MKLN1: variants seen among roughly 807,000 people sequenced by gnomAD.
MKLN1 encodes the protein muskelin.
MKLN1 carries 18 observed loss-of-function variants against 99.0 expected under a neutral mutation model. That is an observed-to-expected ratio of 0.18 (90% CI 0.13 to 0.27). The LOEUF is 0.27. MKLN1 is among the 10% of genes least tolerant of loss of function. The pLI, the probability that MKLN1 is intolerant of heterozygous loss-of-function variation, is 1.00. For synonymous variants in MKLN1, 288 were observed against 293.2 expected, an observed-to-expected ratio of 0.98 and a Z score of 0.18; for missense variants, 621 against 875.9, an observed-to-expected ratio of 0.71 and a Z score of 3.67.
At chr7:131,248,074 ATTAT>A (rs71527998) in intron 3 of MKLN1, among the ~76,000 whole-genome samples, 9 of 57,252 alleles carry the variant, frequency 1.6e-4, no homozygotes, top group East Asian at 6.0e-4. Context: ...AATTACATTT[ATTAT>A]TTATTTATTT....
At chr7:131,443,839 A>C in intron 11 of MKLN1, 137 bp downstream of exon 11, 1 of 683,802 alleles carries the variant, frequency 1.5e-6, no homozygotes, top group Non-Finnish European at 2.5e-6. Flanking sequence ...TTTAACAGTG[A>C]ACTGTTTGCT....
intron 3 of MKLN1, among the ~76,000 whole-genome samples, chr7:131,247,633 A>G (rs4731772): frequency 0.094 from 14,361 of 152,210 alleles, 809 homozygotes; most frequent in East Asian, 0.26. Flanking sequence ...TAAATGTCCA[A>G]TCAAAACTGC....
At chr7:131,444,328 G>T (rs552487785) in intron 11 of MKLN1, among the ~76,000 whole-genome samples, 4 of 151,924 alleles carry the variant, frequency 2.6e-5, no homozygotes, top group African/African-American at 9.6e-5. Flanking sequence ...TGTTGGCCAG[G>T]CTGGTCTTGA....
chr7:131,475,693 C>T (rs1354656069), intron 16 of MKLN1, among the ~76,000 whole-genome samples: 13 of 151,970 alleles, frequency 8.6e-5, no homozygotes, highest in Admixed American at 8.5e-4. Context: ...GCCTGTAGTC[C>T]CAGCTCCTCT....
intron 3 of MKLN1, among the ~76,000 whole-genome samples, chr7:131,204,448 C>T (rs1017964953): frequency 6.6e-6 from 1 of 151,986 alleles, no homozygotes; most frequent in Non-Finnish European, 1.5e-5. Flanking sequence ...GGAAATATCT[C>T]TAAGAAAAAA....
chr7:131,142,786 C>G (rs567710877), intron 1 of MKLN1: 1 of 540,610 alleles, frequency 1.8e-6, no homozygotes, highest in East Asian at 7.1e-5. Flanking sequence ...TAGAGGTAGA[C>G]TTCACATCTG....
At position 131,275,567 on chromosome 7, in the gene MKLN1, A is replaced by ATTT. The variant is rs869119196; in HGVS notation, c.-179+72616_-179+72618dup. Among the ~76,000 whole-genome samples, 20 of 5,606 alleles carry ATTT rather than the reference A, an allele frequency of 3.6e-3. 2 individuals are homozygous for ATTT. Among genetic ancestry groups the ATTT allele is most frequent in the Admixed American group, 0.016 (3 of 182 alleles). The allele number at this position is 5,606 out of a possible 152,430, so 3.7% of individuals were successfully genotyped here. ...TATATATATATATATATATATATAT[A>ATTT]TTTTTTTTTTTTTTTTTTTTTTTTT... is the stretch of plus-strand genomic sequence containing the variant. On this transcript the variant is annotated intron_variant, in intron 3 of 7. Transcript: ENST00000416992.
intron 1 of MKLN1, among the ~76,000 whole-genome samples, chr7:131,339,365 G>A (rs1469607685): frequency 6.6e-6 from 1 of 152,182 alleles, no homozygotes; most frequent in Non-Finnish European, 1.5e-5. Context: ...GGTTTCATTG[G>A]TGATTTGCAC....
chr7:131,169,054 A>AT (rs1796178304), intron 2 of MKLN1, among the ~76,000 whole-genome samples: 1 of 152,064 alleles, frequency 6.6e-6, no homozygotes, highest in Non-Finnish European at 1.5e-5. Flanking sequence ...TTTTAGTAAG[A>AT]CGGGTTTCAC....
Position 131,361,595 on chromosome 7 carries a change from C to CT in MKLN1, c.99-13816dup, listed in dbSNP as rs200588778. ...TTTTTTGTTTCTTTTTTCTGGCTTT[C>CT]TTTTTTTTTTTTTGGTTCCCTTCAA... On this transcript the variant is annotated intron_variant, in intron 1 of 17. Transcript: ENST00000352689. Among the ~76,000 whole-genome samples the CT allele has an allele frequency of 4.4e-3, 625 of 140,940 alleles. 1 individual carries two copies. The highest frequency in any genetic ancestry group is 9.9e-3 in the African/African-American group (382 of 38,748). 92.5% of individuals were successfully genotyped at this position (140,940 alleles called of 152,430 possible).
chr7:131,367,984 G>A (rs1255460692), intron 1 of MKLN1, among the ~76,000 whole-genome samples: 1 of 152,180 alleles, frequency 6.6e-6, no homozygotes. Flanking sequence ...AAAATTAAAG[G>A]AGGATAGGCT....
At chr7:131,192,128 TA>T (rs1386950113) in intron 2 of MKLN1, among the ~76,000 whole-genome samples, 1 of 86,616 alleles carries the variant, frequency 1.2e-5, no homozygotes, top group Non-Finnish European at 2.1e-5. Flanking sequence ...TACGTATATA[TA>T]TAAAAATATA....
intron 2 of MKLN1, among the ~76,000 whole-genome samples, chr7:131,378,862 A>G (rs145566560): frequency 1.6e-4 from 24 of 151,114 alleles, no homozygotes; most frequent in African/African-American, 5.8e-4. Flanking sequence ...GTGTGCACAC[A>G]CACGCACGCA....
At chr7:131,119,292 A>T (rs1267596138) in intron 1 of MKLN1, among the ~76,000 whole-genome samples, 1 of 152,214 alleles carries the variant, frequency 6.6e-6, no homozygotes. Flanking sequence ...CATGTCTCAC[A>T]TCCAGGCCAC....
chr7:131,374,035 C>T (rs1490046406), intron 1 of MKLN1, among the ~76,000 whole-genome samples: 1 of 152,156 alleles, frequency 6.6e-6, no homozygotes, highest in Non-Finnish European at 1.5e-5. Context: ...TCAATATAGA[C>T]TCATGGGTAT....
intron 1 of MKLN1, among the ~76,000 whole-genome samples, chr7:131,139,778 G>A (rs1795704173): frequency 6.6e-6 from 1 of 152,168 alleles, no homozygotes; most frequent in South Asian, 2.1e-4. Flanking sequence ...CCTAGGGACA[G>A]GGGTGGGTAC....
intron 6 of MKLN1, 128 bp downstream of exon 6, chr7:131,399,561 T>C: frequency 4.1e-6 from 3 of 726,528 alleles, no homozygotes; most frequent in Non-Finnish European, 6.8e-6. Flanking sequence ...CGGTTAAAGA[T>C]TGTTATCTCT....
chr7:131,162,241 C>T (rs1166448864), intron 2 of MKLN1, among the ~76,000 whole-genome samples: 3 of 151,734 alleles, frequency 2.0e-5, no homozygotes, highest in East Asian at 1.9e-4. Context: ...TTAGTAGAGA[C>T]GGGGTTTCAT....
chr7:131,434,379 T>C (rs114303859), intron 9 of MKLN1, among the ~76,000 whole-genome samples: 2,472 of 152,306 alleles, frequency 0.016, 46 homozygotes, highest in African/African-American at 0.054. Flanking sequence ...AATCTTTTAC[T>C]TTCCATTTGT....
Sources: gnomAD v4.1 joint callset for allele counts (sites outside exome capture counted in the v4.1 genomes callset) on GRCh38, gnomAD v4.1.1 for gene constraint, MANE v1.5 for transcripts, NCBI Gene and HGNC (gene_info 2026-07-23, HGNC 2026-07-21) for gene names.